The following ADARB2 variants were observed in gnomAD, a reference collection of about 807,000 sequenced individuals.
The protein encoded by ADARB2 is adenosine deaminase RNA specific B2 (inactive), also known as inactive double-stranded RNA-specific editase B2.
Under a neutral mutation model 62.2 loss-of-function variants are expected in ADARB2, and 25 were observed. The ratio of observed to expected loss-of-function variants is 0.40; its 90% CI spans 0.29 to 0.56. ADARB2 has a LOEUF of 0.56. Ranked by LOEUF, ADARB2 falls within the 20% of genes least tolerant of loss-of-function variation. The pLI is 0.43. For synonymous variants in ADARB2, 572 were observed against 500.8 expected (o/e 1.14, Z -1.90); for missense variants, 1,071 against 1,077.4 (o/e 0.99, Z 0.08).
At chr10:1,318,348 A>C (rs1005253921) in intron 3 of ADARB2, among the ~76,000 whole-genome samples, 2 of 152,212 alleles carry the variant, frequency 1.3e-5, no homozygotes, top group Middle Eastern at 3.2e-3. Context: ...AGCTCCCTTT[A>C]AATTCAAACA....
chr10:1,332,924 C>G (rs2131834779), intron 3 of ADARB2, among the ~76,000 whole-genome samples: 1 of 152,226 alleles, frequency 6.6e-6, no homozygotes, highest in South Asian at 2.1e-4. Context: ...TCCATTTTTC[C>G]CCATCCCCGC....
chr10:1,242,326 G>GCGTGGCC, intron 4 of ADARB2, 27 bp from the exon 5 acceptor site: 1 of 1,520,024 alleles, frequency 6.6e-7, no homozygotes, highest in South Asian at 1.2e-5. Flanking sequence ...CATCAGAGCA[G>GCGTGGCC]CGTGGCCCAC....
chr10:1,543,998 C>CAAAAAAAAAA (rs779186191), intron 1 of ADARB2, among the ~76,000 whole-genome samples: 1 of 81,960 alleles, frequency 1.2e-5, no homozygotes, highest in Non-Finnish European at 2.6e-5. Flanking sequence ...GGCAGGTGAC[C>CAAAAAAAAAA]AAAAAAAAAA....
chr10:1,415,933 G>C (rs1352800986), intron 1 of ADARB2, among the ~76,000 whole-genome samples: 1 of 152,176 alleles, frequency 6.6e-6, no homozygotes. Context: ...CTGGATATGA[G>C]GCTGATTCTA....
chr10:1,443,916 G>T (rs1830930984), intron 1 of ADARB2, among the ~76,000 whole-genome samples: 2 of 152,072 alleles, frequency 1.3e-5, no homozygotes, highest in South Asian at 2.1e-4. Context: ...ACTATTGCAG[G>T]TTAACACAAA....
At chr10:1,615,913 G>C (rs1455914241) in intron 1 of ADARB2, among the ~76,000 whole-genome samples, 2 of 152,208 alleles carry the variant, frequency 1.3e-5, no homozygotes, top group African/African-American at 4.8e-5. Flanking sequence ...CATTGCATTT[G>C]TCAATGGGAA....
At chr10:1,510,116 CTTTCTTTCTTTCTTTCTT>C (rs1564312513) in intron 1 of ADARB2, among the ~76,000 whole-genome samples, 14 of 101,792 alleles carry the variant, frequency 1.4e-4, no homozygotes, top group East Asian at 2.8e-4. Context: ...TTCTCTCTTT[CTTTCTTTCTTTCTTTCTT>C]TCTTTCTTTC....
At chr10:1,719,091 G>A (rs1442581458) in intron 1 of ADARB2, among the ~76,000 whole-genome samples, 1 of 152,090 alleles carries the variant, frequency 6.6e-6, no homozygotes, top group Non-Finnish European at 1.5e-5. Context: ...CTCCCAAGTA[G>A]TAGCTGGGAT....
intron 3 of ADARB2, among the ~76,000 whole-genome samples, chr10:1,332,665 A>C (rs975592222): frequency 2.0e-5 from 3 of 152,170 alleles, no homozygotes; most frequent in Admixed American, 2.0e-4. Context: ...CATGTGCAGG[A>C]CTGGAGACTT....
At chr10:1,554,853 G>A (rs1723547638) in intron 1 of ADARB2, among the ~76,000 whole-genome samples, 2 of 152,092 alleles carry the variant, frequency 1.3e-5, no homozygotes, top group Non-Finnish European at 1.5e-5. Context: ...CCCAGGTAGT[G>A]AGCATAGAAC....
intron 1 of ADARB2, among the ~76,000 whole-genome samples, chr10:1,633,462 A>G (rs570347817): frequency 6.6e-6 from 1 of 152,290 alleles, no homozygotes; most frequent in South Asian, 2.1e-4. Context: ...AAAATATTCC[A>G]AAATCTGAAA....
At chr10:1,411,698 C>T (rs958762988) in intron 1 of ADARB2, among the ~76,000 whole-genome samples, 34 of 152,058 alleles carry the variant, frequency 2.2e-4, no homozygotes, top group African/African-American at 7.7e-4. Context: ...TGAGCTCCGC[C>T]GGCAAGAAGC....
chr10:1,251,930 G>GC, intron 4 of ADARB2, among the ~76,000 whole-genome samples: 1 of 152,312 alleles, frequency 6.6e-6, no homozygotes, highest in Admixed American at 6.5e-5. Context: ...CACCAAGCCT[G>GC]CTGACGTCTG....
At chr10:1,328,525 G>A (rs770054541) in intron 3 of ADARB2, among the ~76,000 whole-genome samples, 16 of 152,140 alleles carry the variant, frequency 1.1e-4, no homozygotes, top group Non-Finnish European at 2.4e-4. Context: ...CTTGAACAGT[G>A]CAAACATTAT....
rs186952252 is a variant in ADARB2 at position 1,428,121 on chromosome 10, C to A, written c.101-48961G>T. Among the ~76,000 whole-genome samples, 389 of 151,008 alleles carry A rather than the reference C, an allele frequency of 2.6e-3. 2 individuals carry two copies. The highest frequency in any genetic ancestry group is 0.025 in the Middle Eastern group (7 of 280). Reference sequence around the variant, plus strand: ...GAGTAGCTAGGATTACAGGCATGCACCACCACACCCGACTAATTTTTTTGT... The same window carrying A: ...GAGTAGCTAGGATTACAGGCATGCAACACCACACCCGACTAATTTTTTTGT... On this transcript the variant is annotated intron_variant, in intron 1 of 9. Transcript: ENST00000381312.
intron 2 of ADARB2, among the ~76,000 whole-genome samples, chr10:1,370,054 A>T (rs1255481640): frequency 6.6e-6 from 1 of 152,236 alleles, no homozygotes; most frequent in East Asian, 1.9e-4. Context: ...CAAATGTTGC[A>T]GACACTCAGA....
At chr10:1,362,550 C>T (rs1832268238) in intron 3 of ADARB2, among the ~76,000 whole-genome samples, 1 of 152,046 alleles carries the variant, frequency 6.6e-6, no homozygotes, top group African/African-American at 2.4e-5. Context: ...TCCCCACTCT[C>T]GCTCCGGCCT....
intron 1 of ADARB2, among the ~76,000 whole-genome samples, chr10:1,688,995 G>A (rs1834634466): frequency 6.6e-6 from 1 of 152,220 alleles, no homozygotes; most frequent in Non-Finnish European, 1.5e-5. Flanking sequence ...CAGGTGATCA[G>A]TGACTATCTG....
At chr10:1,312,963 G>C (rs1589189225) in intron 3 of ADARB2, among the ~76,000 whole-genome samples, 3 of 152,222 alleles carry the variant, frequency 2.0e-5, no homozygotes, top group Non-Finnish European at 2.9e-5. Context: ...CGGCAGGAGA[G>C]GGGTGGGAAG....
Sources: allele counts gnomAD v4.1 joint callset (sites outside exome capture counted in the v4.1 genomes callset), GRCh38; gene constraint gnomAD v4.1.1; transcripts MANE v1.5; gene names NCBI Gene and HGNC (gene_info 2026-07-23, HGNC 2026-07-21).